Variants in SUMF1 observed in about 807,000 individuals in gnomAD.
SUMF1 encodes sulfatase modifying factor 1.
A neutral mutation model predicts 47.6 loss-of-function variants in SUMF1; 48 were observed. The ratio of observed to expected loss-of-function variants is 1.01; its 90% CI spans 0.80 to 1.28. SUMF1 has a LOEUF of 1.28. SUMF1 is among the 50% of genes most tolerant of loss of function. The pLI is 0.00. For missense variants in SUMF1, 571 were observed against 485.4 expected, an observed-to-expected ratio of 1.18 and a Z score of -1.66; for synonymous variants, 230 against 192.1, an observed-to-expected ratio of 1.20 and a Z score of -1.63.
At chr3:4,221,138 G>C (rs377287874) in intron 8 of SUMF1, among the ~76,000 whole-genome samples, 10 of 152,064 alleles carry the variant, frequency 6.6e-5, no homozygotes, top group African/African-American at 2.2e-4. Flanking sequence ...TTCACCACAG[G>C]GCCTCTCTAT....
At chr3:4,057,540 T>A (rs73013801) in intron 9 of SUMF1, among the ~76,000 whole-genome samples, 1,651 of 152,294 alleles carry the variant, frequency 0.011, 10 homozygotes, top group Non-Finnish European at 0.015. Context: ...TGTGCCAACC[T>A]GGGTCAGCCT....
At chr3:4,194,223 G>C (rs992213299) in intron 8 of SUMF1, among the ~76,000 whole-genome samples, 2 of 152,064 alleles carry the variant, frequency 1.3e-5, no homozygotes, top group African/African-American at 4.8e-5. Flanking sequence ...AGCCACATGA[G>C]ACTAGATACT....
intron 1 of SUMF1, among the ~76,000 whole-genome samples, chr3:4,465,696 C>G (rs1251068796): frequency 6.6e-6 from 1 of 152,000 alleles, no homozygotes; most frequent in Non-Finnish European, 1.5e-5. Flanking sequence ...CAATGAGAAG[C>G]CCAGGTATCA....
At chr3:4,150,048 T>G (rs1694282241) in intron 8 of SUMF1, among the ~76,000 whole-genome samples, 1 of 152,144 alleles carries the variant, frequency 6.6e-6, no homozygotes, top group Non-Finnish European at 1.5e-5. Context: ...GCTAAACAAA[T>G]ATCTTAAGAT....
intron 8 of SUMF1, among the ~76,000 whole-genome samples, chr3:4,177,932 A>G (rs544392321): frequency 1.3e-5 from 2 of 152,306 alleles, no homozygotes; most frequent in East Asian, 3.9e-4. Context: ...AATAAACTAG[A>G]AAATCTAGAA....
In SUMF1 at chr3:4,467,110, G is replaced by C; in HGVS notation, c.136C>G (p.Leu46Val). The C allele has an allele frequency of 1.9e-6, 3 of 1,561,960 alleles. No individual in the cohort carries two copies. The highest frequency in any genetic ancestry group is 2.6e-6 in the Non-Finnish European group (3 of 1,154,534). The change falls in exon 1 of 9, where the codon CTT (leucine) becomes GTT (valine). Residue 46 changes from leucine (L) to valine (V), a missense_variant. Leu to Val is a conservative substitution (Grantham distance 32). Coordinates refer to ENST00000272902, the MANE Select transcript of SUMF1 (RefSeq NM_182760.4). ...EAGTGAGAGS[L>V]AGSCGCGTPQ... ...GTGCCGCAGCCGCAAGAACCCGCAA[G>C]GGACCCCGCGCCCGCACCGGTCCCG... is the stretch of plus-strand genomic sequence containing the variant.
At chr3:4,400,130 G>A (rs927491024) in intron 7 of SUMF1, among the ~76,000 whole-genome samples, 5 of 152,028 alleles carry the variant, frequency 3.3e-5, no homozygotes, top group African/African-American at 7.2e-5. Context: ...ACTGGGGGCC[G>A]AATTCTACCT....
chr3:4,395,287 C>T (rs1418566733), intron 7 of SUMF1, among the ~76,000 whole-genome samples: 1 of 152,136 alleles, frequency 6.6e-6, no homozygotes, highest in Admixed American at 6.5e-5. Flanking sequence ...ACCCAAAGTA[C>T]ATATTTGTGA....
chr3:4,268,078 T>C (rs1697232329), intron 8 of SUMF1, among the ~76,000 whole-genome samples: 1 of 152,206 alleles, frequency 6.6e-6, no homozygotes, highest in South Asian at 2.1e-4. Flanking sequence ...GAGTTCATGT[T>C]CTTTGTAGGG....
At chr3:4,041,774 T>C (rs1694911225) in intron 9 of SUMF1, among the ~76,000 whole-genome samples, 1 of 152,210 alleles carries the variant, frequency 6.6e-6, no homozygotes, top group African/African-American at 2.4e-5. Flanking sequence ...GCTACCTGCA[T>C]GAGCTATACC....
intron 8 of SUMF1, among the ~76,000 whole-genome samples, chr3:4,275,822 C>G (rs1254903234): frequency 6.6e-6 from 1 of 152,138 alleles, no homozygotes; most frequent in African/African-American, 2.4e-5. Flanking sequence ...CTTAGCCAAG[C>G]AACTATGGTA....
chr3:4,241,694 G>A (rs144102178), intron 8 of SUMF1, among the ~76,000 whole-genome samples: 306 of 152,232 alleles, frequency 2.0e-3, no homozygotes, highest in Non-Finnish European at 3.1e-3. Flanking sequence ...CCCAAGGTTC[G>A]TTGTCTCACA....
At chr3:4,248,133 C>T (rs1696709696) in intron 8 of SUMF1, among the ~76,000 whole-genome samples, 2 of 152,068 alleles carry the variant, frequency 1.3e-5, no homozygotes, top group Non-Finnish European at 2.9e-5. Flanking sequence ...ATATTTTTGT[C>T]CTGGGTAAGT....
intron 8 of SUMF1, among the ~76,000 whole-genome samples, chr3:4,277,572 G>A (rs917345821): frequency 6.6e-6 from 1 of 151,990 alleles, no homozygotes; most frequent in African/African-American, 2.4e-5. Flanking sequence ...ATTAGTGAGG[G>A]AAAATAGACA....
intron 8 of SUMF1, among the ~76,000 whole-genome samples, chr3:4,370,745 A>G (rs1259558846): frequency 1.3e-5 from 2 of 152,224 alleles, no homozygotes; most frequent in African/African-American, 2.4e-5. Flanking sequence ...AATACTATCA[A>G]TTGTTTTCTT....
At chr3:4,309,598 T>C (rs1698324034) in intron 8 of SUMF1, among the ~76,000 whole-genome samples, 1 of 152,146 alleles carries the variant, frequency 6.6e-6, no homozygotes, top group South Asian at 2.1e-4. Context: ...TCTAAAAGTA[T>C]TGTCAGATAC....
At position 4,087,936 on chromosome 3, in the gene SUMF1, T is replaced by C. The variant is rs1282339949; in HGVS notation, c.1015-19191A>G. Among the ~76,000 whole-genome samples the C allele has an allele frequency of 2.0e-5, 3 of 152,192 alleles. No homozygotes were observed. The East Asian group carries it at 5.8e-4, about 29-fold the overall frequency. ...TTTTGTTAACAGCCTGAAAAAGTTTTTGAAGAGAAATTAATGATTGAGAGC... is the reference window on the plus strand; with the variant it reads ...TTTTGTTAACAGCCTGAAAAAGTTTCTGAAGAGAAATTAATGATTGAGAGC... On this transcript the variant is annotated intron_variant and NMD_transcript_variant, in intron 8 of 12. Coordinates refer to the SUMF1 transcript ENST00000448413.
At chr3:4,188,398 T>C (rs1235276260) in intron 8 of SUMF1, among the ~76,000 whole-genome samples, 1 of 152,242 alleles carries the variant, frequency 6.6e-6, no homozygotes, top group East Asian at 1.9e-4. Flanking sequence ...TCCAACATTA[T>C]AGCATCATAC....
At chr3:4,358,549 C>A (rs1699673166), downstream of SUMF1, among the ~76,000 whole-genome samples, 1 of 152,120 alleles carries the variant, frequency 6.6e-6, no homozygotes, top group Admixed American at 6.5e-5. Context: ...TGTTTTGAAA[C>A]AAGCAGGCAC....
Sources: gnomAD v4.1 joint callset for allele counts (sites outside exome capture counted in the v4.1 genomes callset) on GRCh38, gnomAD v4.1.1 for gene constraint, MANE v1.5 for transcripts, NCBI Gene and HGNC (gene_info 2026-07-23, HGNC 2026-07-21) for gene names.